The following LINGO2 variants were observed in gnomAD, a reference collection of about 807,000 sequenced individuals.
LINGO2 encodes leucine-rich repeat and immunoglobulin-like domain-containing nogo receptor-interacting protein 2.
In LINGO2, 14 loss-of-function variants were observed where a neutral mutation model predicts 30.6. The ratio of observed to expected loss-of-function variants is 0.46; its 90% confidence interval spans 0.30 to 0.72. The LOEUF is 0.72. LINGO2 is among the 30% of genes least tolerant of loss of function. The pLI is 0.07. For missense variants in LINGO2, 729 were observed against 751.7 expected (o/e 0.97, Z 0.35); for synonymous variants, 317 against 288.5 (o/e 1.10, Z -1.00).
At chr9:28,080,244 T>A (rs922049211) in intron 4 of LINGO2, among the ~76,000 whole-genome samples, 7 of 152,236 alleles carry the variant, frequency 4.6e-5, no homozygotes, top group African/African-American at 1.7e-4. Flanking sequence ...TGGCTTTTAA[T>A]TGCAATAATA....
chr9:29,154,542 G>A, the LINGO2 span, among the ~76,000 whole-genome samples: 125 of 151,908 alleles, frequency 8.2e-4, 1 homozygote, highest in Non-Finnish European at 1.3e-3. Context: ...AAGGGGAAGC[G>A]CTATACTAAA....
the LINGO2 span, among the ~76,000 whole-genome samples, chr9:28,743,968 T>C: frequency 2.6e-5 from 4 of 151,664 alleles, no homozygotes; most frequent in Non-Finnish European, 5.9e-5. Context: ...ATATTCCCCA[T>C]TTCTCTACTG....
chr9:28,465,401 T>A (rs1825257584), intron 2 of LINGO2, among the ~76,000 whole-genome samples: 1 of 152,166 alleles, frequency 6.6e-6, no homozygotes, highest in Non-Finnish European at 1.5e-5. Flanking sequence ...AACGTTCAGA[T>A]GCTTCTTTCT....
the LINGO2 span, among the ~76,000 whole-genome samples, chr9:28,811,311 T>C: frequency 1.3e-5 from 2 of 152,162 alleles, no homozygotes; most frequent in African/African-American, 2.4e-5. Flanking sequence ...AATTATCTCT[T>C]TGAATTACTT....
chr9:28,184,843 C>G (rs947549293), intron 4 of LINGO2, among the ~76,000 whole-genome samples: 2 of 152,142 alleles, frequency 1.3e-5, no homozygotes, highest in African/African-American at 4.8e-5. Context: ...ACATCTGCTG[C>G]TTTTTCTGAC....
At chr9:29,083,431 T>G in the LINGO2 span, among the ~76,000 whole-genome samples, 2 of 151,916 alleles carry the variant, frequency 1.3e-5, no homozygotes, top group African/African-American at 4.8e-5. Context: ...TGGGGCCTGT[T>G]GTGGGGTGAG....
chr9:29,187,164 A>G, the LINGO2 span, among the ~76,000 whole-genome samples: 8 of 152,102 alleles, frequency 5.3e-5, no homozygotes, highest in Non-Finnish European at 8.8e-5. Flanking sequence ...CTACAATAAA[A>G]TTTTCCTTCA....
the LINGO2 span, among the ~76,000 whole-genome samples, chr9:28,723,299 G>C: frequency 1.3e-5 from 2 of 152,082 alleles, no homozygotes; most frequent in East Asian, 3.9e-4. Context: ...AGCATTATTT[G>C]GCACAGCTAT....
At chr9:28,244,194 T>C (rs1269658675) in intron 4 of LINGO2, among the ~76,000 whole-genome samples, 3 of 152,120 alleles carry the variant, frequency 2.0e-5, no homozygotes, top group Admixed American at 6.5e-5. Context: ...CACAATTACA[T>C]GGAAATTGAA....
At chr9:28,665,994 C>T (rs562077325) in intron 1 of LINGO2, among the ~76,000 whole-genome samples, 11 of 150,956 alleles carry the variant, frequency 7.3e-5, no homozygotes, top group Non-Finnish European at 1.2e-4. Context: ...TGGGTTCAAG[C>T]GATTCTCCTG....
chr9:27,941,167 T>C, the LINGO2 span: 1 of 152,316 alleles, frequency 6.6e-6, no homozygotes, highest in East Asian at 1.9e-4. Flanking sequence ...CCGGGTGCAG[T>C]GACTCATGTC....
intron 1 of LINGO2, among the ~76,000 whole-genome samples, chr9:28,551,188 T>C (rs954293866): frequency 1.3e-5 from 2 of 151,862 alleles, no homozygotes; most frequent in African/African-American, 2.4e-5. Context: ...TTTAAATAGA[T>C]TACTAAAATA....
At chr9:28,883,385 G>A in the LINGO2 span, among the ~76,000 whole-genome samples, 1 of 151,122 alleles carries the variant, frequency 6.6e-6, no homozygotes, top group Non-Finnish European at 1.5e-5. Flanking sequence ...TTAACCTCAG[G>A]TTGTTTACAT....
chr9:28,669,306 C>CT (rs1015844421), intron 1 of LINGO2, among the ~76,000 whole-genome samples: 41 of 151,794 alleles, frequency 2.7e-4, no homozygotes, highest in East Asian at 1.4e-3. Flanking sequence ...TAGAAAACTT[C>CT]TTTTTTTTCA....
chr9:28,591,875 C>T (rs16913358), intron 1 of LINGO2, among the ~76,000 whole-genome samples: 27,649 of 151,996 alleles, frequency 0.18, 2,840 homozygotes, highest in Admixed American at 0.29. Flanking sequence ...ACACTTGGCA[C>T]AAAGGCTGTG....
intron 1 of LINGO2, among the ~76,000 whole-genome samples, chr9:28,551,661 T>A (rs1480685370): frequency 6.6e-6 from 1 of 152,132 alleles, no homozygotes; most frequent in Non-Finnish European, 1.5e-5. Context: ...TGCATGATTC[T>A]ATTTTTATTT....
the LINGO2 span, among the ~76,000 whole-genome samples, chr9:29,196,721 G>A: frequency 2.6e-5 from 4 of 152,006 alleles, no homozygotes; most frequent in African/African-American, 9.7e-5. Context: ...CAAAAGCTAT[G>A]AACATATAAA....
intron 4 of LINGO2, among the ~76,000 whole-genome samples, chr9:28,192,998 T>C (rs1417021931): frequency 2.0e-5 from 3 of 152,174 alleles, no homozygotes; most frequent in South Asian, 4.1e-4. Context: ...GCCTAACTTG[T>C]ATGTCATAAC....
intron 1 of LINGO2, among the ~76,000 whole-genome samples, chr9:28,603,966 C>T (rs774396254): frequency 8.6e-5 from 13 of 152,036 alleles, no homozygotes; most frequent in Non-Finnish European, 1.5e-4. Context: ...GTTTTCTCTA[C>T]TTCAGTGTTT....
Sources: allele counts gnomAD v4.1 joint callset (sites outside exome capture counted in the v4.1 genomes callset), GRCh38; gene constraint gnomAD v4.1.1; transcripts MANE v1.5; gene names NCBI Gene and HGNC (gene_info 2026-07-23, HGNC 2026-07-21).